The following NTM variants were observed in gnomAD, a reference collection of about 807,000 sequenced individuals.
NTM encodes IgLON family member 2.
In NTM, 13 loss-of-function variants were observed where a neutral mutation model predicts 42.1. That is an observed-to-expected ratio of 0.31 (90% CI 0.20 to 0.49). The LOEUF (loss-of-function observed/expected upper bound fraction) is 0.49. NTM is among the 20% of genes least tolerant of loss of function. The pLI, the probability that NTM is intolerant of heterozygous loss-of-function variation, is 0.99. For missense variants in NTM, 373 were observed against 452.8 expected, an observed-to-expected ratio of 0.82 and a Z score of 1.60; for synonymous variants, 187 against 179.2, an observed-to-expected ratio of 1.04 and a Z score of -0.35.
At chr11:131,581,983 C>G (rs2058453626) in intron 1 of NTM, 1 of 152,182 alleles carries the variant, frequency 6.6e-6, no homozygotes. Flanking sequence ...GAGGAACAGG[C>G]TTTGCCATGA....
intron 1 of NTM, among the ~76,000 whole-genome samples, chr11:131,491,978 C>T (rs555772240): frequency 6.6e-6 from 1 of 152,138 alleles, no homozygotes; most frequent in South Asian, 2.1e-4. Flanking sequence ...ATATGATCTG[C>T]CTAACAACTC....
chr11:131,839,381 T>C (rs1057338001), intron 1 of NTM, among the ~76,000 whole-genome samples: 10 of 152,214 alleles, frequency 6.6e-5, no homozygotes, highest in African/African-American at 2.2e-4. Flanking sequence ...TGGTGTCATT[T>C]ATAAGCTGAT....
At chr11:132,171,593 A>G (rs1198365989) in intron 3 of NTM, among the ~76,000 whole-genome samples, 2 of 152,194 alleles carry the variant, frequency 1.3e-5, no homozygotes, top group African/African-American at 2.4e-5. Flanking sequence ...AGAGTTTAGG[A>G]TGTCGATATA....
intron 2 of NTM, among the ~76,000 whole-genome samples, chr11:132,093,316 G>C (rs1042155076): frequency 6.6e-6 from 1 of 152,096 alleles, no homozygotes; most frequent in African/African-American, 2.4e-5. Context: ...TGCCTGGTCT[G>C]TATTAGACAT....
intron 3 of NTM, among the ~76,000 whole-genome samples, chr11:132,195,025 G>A (rs1399995891): frequency 6.6e-6 from 1 of 151,844 alleles, no homozygotes; most frequent in African/African-American, 2.4e-5. Context: ...GTTTCACCAT[G>A]TTGGCCAGGT....
At chr11:131,644,437 G>C (rs1565368416) in intron 1 of NTM, among the ~76,000 whole-genome samples, 1 of 152,168 alleles carries the variant, frequency 6.6e-6, no homozygotes, top group Non-Finnish European at 1.5e-5. Flanking sequence ...TTATTAGCCA[G>C]ATAGTCCCAT....
intron 2 of NTM, among the ~76,000 whole-genome samples, chr11:132,072,463 TTAAC>T (rs1420588066): frequency 3.9e-5 from 6 of 152,182 alleles, no homozygotes; most frequent in South Asian, 2.1e-4. Context: ...TGGTGAGTAA[TTAAC>T]TAACCATGTT....
At chr11:131,580,427 C>T (rs1019124089) in intron 1 of NTM, among the ~76,000 whole-genome samples, 1 of 152,126 alleles carries the variant, frequency 6.6e-6, no homozygotes, top group Non-Finnish European at 1.5e-5. Flanking sequence ...GCCACACCTG[C>T]CCTCTGAGGG....
At chr11:132,018,250 A>T (rs1012592677) in intron 2 of NTM, among the ~76,000 whole-genome samples, 3 of 151,480 alleles carry the variant, frequency 2.0e-5, no homozygotes, top group Admixed American at 2.0e-4. Context: ...CATGGGTAGA[A>T]CCTCTAATAC....
intron 2 of NTM, among the ~76,000 whole-genome samples, chr11:131,916,683 C>T (rs2018650358): frequency 6.6e-6 from 1 of 152,072 alleles, no homozygotes; most frequent in Non-Finnish European, 1.5e-5. Flanking sequence ...TCTGGTAGTC[C>T]CTCCAGCTAC....
At chr11:131,845,347 T>G (rs2044762688) in intron 1 of NTM, among the ~76,000 whole-genome samples, 1 of 152,110 alleles carries the variant, frequency 6.6e-6, no homozygotes, top group South Asian at 2.1e-4. Context: ...GTGTTTGTAT[T>G]CTGGAATGGG....
chr11:132,200,806 G>C (rs2081048478), intron 3 of NTM, among the ~76,000 whole-genome samples: 1 of 152,146 alleles, frequency 6.6e-6, no homozygotes. Flanking sequence ...CTAGGAGAGA[G>C]GAATGATTAT....
chr11:132,290,905 G>T (rs1414063074), intron 4 of NTM, among the ~76,000 whole-genome samples: 3 of 152,152 alleles, frequency 2.0e-5, no homozygotes, highest in Non-Finnish European at 4.4e-5. Flanking sequence ...TTTCCAGGTG[G>T]TAGTATGACA....
chr11:131,767,020 C>G (rs1459253477), intron 1 of NTM: 2 of 279,380 alleles, frequency 7.2e-6, no homozygotes, highest in African/African-American at 2.3e-5. Context: ...AAATTATTCA[C>G]TAATATAACC....
intron 1 of NTM, among the ~76,000 whole-genome samples, chr11:131,438,568 C>T (rs995694175): frequency 3.9e-5 from 6 of 152,162 alleles, no homozygotes; most frequent in Admixed American, 6.5e-5. Context: ...TCCACTTGAT[C>T]GAATCGGCTG....
At chr11:131,739,892 C>T (rs1025183369) in intron 1 of NTM, among the ~76,000 whole-genome samples, 1 of 152,140 alleles carries the variant, frequency 6.6e-6, no homozygotes, top group Non-Finnish European at 1.5e-5. Context: ...AGCAAGGGGG[C>T]CTCAAAATGA....
chr11:132,054,591 T>C (rs937464702), intron 2 of NTM, among the ~76,000 whole-genome samples: 25 of 152,240 alleles, frequency 1.6e-4, no homozygotes, highest in Admixed American at 1.6e-3. Context: ...GTTAAAGGAA[T>C]GTCAGCATCT....
At position 132,250,596 on chromosome 11, in the gene NTM, C is replaced by CT. The variant is rs201173146; in HGVS notation, c.526+38461dup. Among the ~76,000 whole-genome samples, 537 of 146,274 alleles carry CT rather than the reference C, an allele frequency of 3.7e-3. 6 individuals carry two copies. In the East Asian group the frequency reaches 0.06, roughly 16 times the overall value. ...TCTCTTTGTCTCTTCACACTATTCA[C>CT]TTTTTTTTTTTTCGTTACTTAACTT... On this transcript the variant is annotated intron_variant, in intron 4 of 8. Transcript: ENST00000683400.
intron 1 of NTM, among the ~76,000 whole-genome samples, chr11:131,391,644 G>GAAAAAAAAAAAAAA (rs5795723): frequency 2.0e-3 from 160 of 81,378 alleles, no homozygotes; most frequent in Middle Eastern, 9.6e-3. Context: ...TTTTATCTGG[G>GAAAAAAAAAAAAAA]AAAAAAAAAA....
Sources: allele counts gnomAD v4.1 joint callset (sites outside exome capture counted in the v4.1 genomes callset), GRCh38; gene constraint gnomAD v4.1.1; transcripts MANE v1.5; gene names NCBI Gene and HGNC (gene_info 2026-07-23, HGNC 2026-07-21).